Variants in PTPRG observed in about 807,000 individuals in gnomAD.
PTPRG encodes receptor-type tyrosine-protein phosphatase gamma.
PTPRG carries 102 observed loss-of-function variants against 165.3 expected under a neutral mutation model. The ratio of observed to expected loss-of-function variants is 0.62; its 90% CI spans 0.53 to 0.73. PTPRG has a LOEUF of 0.73. Ranked by LOEUF, PTPRG falls within the 30% of genes least tolerant of loss-of-function variation. The pLI, the probability that PTPRG is intolerant of heterozygous loss-of-function variation, is 0.00. For synonymous variants in PTPRG, 675 were observed against 669.5 expected, an observed-to-expected ratio of 1.01 and a Z score of -0.13; for missense variants, 1,866 against 1,861.4, an observed-to-expected ratio of 1.00 and a Z score of -0.05.
At chr3:61,576,247 T>G (rs925884475) in intron 1 of PTPRG, among the ~76,000 whole-genome samples, 8 of 152,222 alleles carry the variant, frequency 5.3e-5, no homozygotes, top group African/African-American at 1.7e-4. Context: ...AGGATTTAAT[T>G]TGTCCTATAT....
At chr3:61,923,818 G>C (rs1391048068) in intron 2 of PTPRG, among the ~76,000 whole-genome samples, 3 of 149,276 alleles carry the variant, frequency 2.0e-5, no homozygotes, top group African/African-American at 7.4e-5. Flanking sequence ...CTATAAGCAT[G>C]AGCCACTGTG....
intron 4 of PTPRG, among the ~76,000 whole-genome samples, chr3:62,064,013 C>T (rs569294097): frequency 1.2e-4 from 19 of 152,158 alleles, no homozygotes; most frequent in Admixed American, 3.9e-4. Context: ...TGAGGCTGGT[C>T]TTCTGAGTTA....
intron 8 of PTPRG, among the ~76,000 whole-genome samples, chr3:62,188,703 A>G (rs1699725951): frequency 6.6e-6 from 1 of 152,178 alleles, no homozygotes; most frequent in African/African-American, 2.4e-5. Context: ...TTATGGGGGT[A>G]TGATGTAACT....
In PTPRG at chr3:61,562,308, G is replaced by T; in HGVS notation, c.21G>T (p.Pro7=). ...CGGACATGCGGAGGTTACTGGAACC[G>T]TGTTGGTGGATTTTGTTCCTGAAAA... MRRLLE[P]CWWILFLKIT... Residue 7 remains proline (P), a synonymous_variant, in exon 1 of 30, where the codon CCG becomes CCT. Transcript: ENST00000474889. 1.2e-6 allele frequency: 2 copies of T among 1,613,718 alleles called. No individual in the cohort carries two copies. Among genetic ancestry groups the T allele is most frequent in the Non-Finnish European group, 8.5e-7 (1 of 1,179,694 alleles).
chr3:61,944,192 A>G (rs1388599644), intron 2 of PTPRG, among the ~76,000 whole-genome samples: 2 of 152,062 alleles, frequency 1.3e-5, no homozygotes, highest in Non-Finnish European at 2.9e-5. Flanking sequence ...AACTGCTGTG[A>G]CACCTCCCAT....
chr3:61,621,051 A>ATATATATGTGTGTGTGTGTG, intron 1 of PTPRG, among the ~76,000 whole-genome samples: 7 of 117,948 alleles, frequency 5.9e-5, no homozygotes, highest in Admixed American at 2.8e-4. Flanking sequence ...ATATATATAT[A>ATATATATGTGTGTGTGTGTG]TGTGTGTGTG....
rs777239607 is a variant in PTPRG, at chr3:61,562,305, A to G, written c.18A>G (p.Glu6=). 6.8e-6 allele frequency: 11 copies of G among 1,613,578 alleles called. No homozygotes were observed. The highest frequency in any genetic ancestry group is 7.6e-6 in the Non-Finnish European group (9 of 1,179,650). Residue 6 remains glutamate (E), a synonymous_variant, in exon 1 of 30, where the codon GAA becomes GAG. Transcript: ENST00000474889. The stretch of plus-strand genomic sequence containing the variant: ...TTTCGGACATGCGGAGGTTACTGGA[A>G]CCGTGTTGGTGGATTTTGTTCCTGA... MRRLL[E]PCWWILFLKI...
intron 2 of PTPRG, among the ~76,000 whole-genome samples, chr3:61,784,412 A>G (rs2034634554): frequency 6.6e-6 from 1 of 152,192 alleles, no homozygotes. Flanking sequence ...TTGATTCTAT[A>G]AAGACATAGT....
chr3:62,002,887 C>T (rs1451628361), intron 3 of PTPRG, among the ~76,000 whole-genome samples: 1 of 152,208 alleles, frequency 6.6e-6, no homozygotes. Flanking sequence ...CCTACATTTT[C>T]TGACCAAAGA....
rs974543743 is a variant in PTPRG at position 62,222,010 on chromosome 3, C to T, written c.2288+3027C>T. 2.0e-5 allele frequency among the ~76,000 whole-genome samples: 3 copies of T among 152,306 alleles called. No homozygotes were observed. The highest frequency in any genetic ancestry group is 1.3e-4 in the Admixed American group (2 of 15,304). On this transcript the variant is annotated intron_variant, in intron 13 of 29. Transcript: ENST00000474889. The surrounding 1 kb of genome is among the most constrained non-coding windows in gnomAD (Gnocchi z 4.5). ...ATGTGATTCTCACAACAGATCTGTA[C>T]GGTAGGTACTATCACTGTCCTTTCT...
At chr3:62,194,983 A>T in intron 9 of PTPRG, 79 bp from the exon 10 acceptor site, 1 of 1,344,098 alleles carries the variant, frequency 7.4e-7, no homozygotes, top group South Asian at 1.2e-5. Flanking sequence ...TTGTCACGGC[A>T]CTCAGGTTTG....
intron 1 of PTPRG, among the ~76,000 whole-genome samples, chr3:61,688,703 A>G (rs979647021): frequency 6.6e-5 from 10 of 152,330 alleles, no homozygotes; most frequent in African/African-American, 1.7e-4. Context: ...GCAAAATTCA[A>G]TAGTCAGTAC....
intron 2 of PTPRG, among the ~76,000 whole-genome samples, chr3:61,894,198 G>A (rs1453629180): frequency 6.7e-6 from 1 of 149,986 alleles, no homozygotes; most frequent in Admixed American, 6.7e-5. Flanking sequence ...CAGCTACTGG[G>A]AGCTGAGGCG....
intron 2 of PTPRG, among the ~76,000 whole-genome samples, chr3:61,804,074 C>T (rs967041440): frequency 9.9e-5 from 15 of 152,084 alleles, no homozygotes; most frequent in Admixed American, 7.9e-4. Flanking sequence ...TCCAGGGCTC[C>T]TGGGAAAAAG....
chr3:62,230,029 A>G (rs1390129408), intron 13 of PTPRG, among the ~76,000 whole-genome samples: 1 of 152,242 alleles, frequency 6.6e-6, no homozygotes, highest in Non-Finnish European at 1.5e-5. Flanking sequence ...GTTCATAGCC[A>G]CACTGAGTAT....
chr3:61,837,407 C>G (rs181519122), intron 2 of PTPRG, among the ~76,000 whole-genome samples: 2 of 152,164 alleles, frequency 1.3e-5, no homozygotes, highest in African/African-American at 4.8e-5. Flanking sequence ...AGTAATATCT[C>G]CTAAAATGTG....
chr3:61,759,377 G>C (rs1316547488), intron 2 of PTPRG, among the ~76,000 whole-genome samples: 1 of 152,078 alleles, frequency 6.6e-6, no homozygotes, highest in East Asian at 1.9e-4. Flanking sequence ...GTTTTCCACT[G>C]CGTGTAGTGG....
chr3:61,659,952 C>T (rs149128176), intron 1 of PTPRG, among the ~76,000 whole-genome samples: 135 of 152,120 alleles, frequency 8.9e-4, no homozygotes, highest in African/African-American at 3.1e-3. Context: ...TCTGGCCGGG[C>T]GCGGTGGCTC....
chr3:61,872,445 T>G (rs540721926), intron 2 of PTPRG, among the ~76,000 whole-genome samples: 8 of 152,222 alleles, frequency 5.3e-5, no homozygotes, highest in Non-Finnish European at 8.8e-5. Flanking sequence ...CTCAGTAACT[T>G]GTGATCTTGG....
Sources: gnomAD v4.1 joint callset for allele counts (sites outside exome capture counted in the v4.1 genomes callset) on GRCh38, gnomAD v4.1.1 for gene constraint, Gnocchi (gnomAD v3.1) non-coding constraint, MANE v1.5 for transcripts, NCBI Gene and HGNC (gene_info 2026-07-23, HGNC 2026-07-21) for gene names.